Variants in GGPS1 observed in about 807,000 individuals in gnomAD.
GGPS1 encodes geranylgeranyl pyrophosphate synthase.
In GGPS1, 15 loss-of-function variants were observed where a neutral mutation model predicts 28.1. That is an observed-to-expected ratio of 0.53 (90% CI 0.36 to 0.82). The LOEUF is 0.82. Ranked by LOEUF, GGPS1 falls within the 40% of genes least tolerant of loss-of-function variation. The probability of loss-of-function intolerance (pLI) is 0.01; values close to 1 mark genes in which losing one functional copy is unlikely to be tolerated. For synonymous variants in GGPS1, 138 were observed against 122.4 expected, an observed-to-expected ratio of 1.13 and a Z score of -0.84; for missense variants, 284 against 348.3, an observed-to-expected ratio of 0.82 and a Z score of 1.47.
intron 2 of GGPS1, among the ~76,000 whole-genome samples, chr1:235,340,862 CATG>C (rs1240615835): frequency 6.6e-6 from 1 of 151,674 alleles, no homozygotes; most frequent in Non-Finnish European, 1.5e-5. Flanking sequence ...TACTTCAGTG[CATG>C]ATGATCTCAT....
intron 1 of GGPS1, chr1:235,329,024 T>A (rs1675582076): frequency 6.6e-6 from 1 of 152,258 alleles, no homozygotes; most frequent in South Asian, 2.0e-4. Flanking sequence ...CTCCGGACTC[T>A]GTGCTAGCAC....
intron 2 of GGPS1, among the ~76,000 whole-genome samples, chr1:235,337,427 G>A (rs1160150245): frequency 6.6e-6 from 1 of 151,920 alleles, no homozygotes; most frequent in African/African-American, 2.4e-5. Flanking sequence ...TTTTATTCAA[G>A]TACGTTCTTG....
chr1:235,342,993 G>C lies in GGPS1; in HGVS notation c.*221G>C. 1 of 377,970 alleles carries C rather than the reference G, an allele frequency of 2.6e-6. No homozygotes were observed. Among genetic ancestry groups the C allele is most frequent in the Non-Finnish European group, 4.9e-6 (1 of 202,680 alleles). 23.4% of individuals were successfully genotyped at this position (377,970 alleles called of 1,614,324 possible). On this transcript the variant is annotated 3_prime_UTR_variant, in exon 4 of 4. Coordinates refer to ENST00000282841, the MANE Select transcript of GGPS1 (RefSeq NM_004837.4). ...AAAGCAGCCACAGTTATGTAGGTCT[G>C]ATTTGAATGTCATAATTGCAGTGAC...
Position 235,342,397 on chromosome 1 carries a change from A to G in GGPS1, c.528A>G (p.Leu176=), listed in dbSNP as rs779823837. 1.1e-5 allele frequency: 18 copies of G among 1,613,866 alleles called. No homozygotes were observed. Among genetic ancestry groups the G allele is most frequent in the South Asian group, 8.8e-5 (8 of 91,076 alleles). ...FSDYKEDLKP[L]LNTLGLFFQI... is the part of the protein sequence containing the mutation. ...ATTACAAAGAAGATTTAAAACCGCT[A>G]CTTAATACACTTGGGCTCTTTTTCC... The change falls in exon 4 of 4, where the codon CTA becomes CTG. Residue 176 remains leucine, a synonymous_variant. Coordinates refer to ENST00000282841, the MANE Select transcript of GGPS1 (RefSeq NM_004837.4).
At chr1:235,341,137 C>G (rs894274904) in intron 2 of GGPS1, among the ~76,000 whole-genome samples, 12 of 152,132 alleles carry the variant, frequency 7.9e-5, no homozygotes, top group African/African-American at 2.7e-4. Context: ...CAAGGCCAGC[C>G]TGGGCAACAT....
intron 1 of GGPS1, among the ~76,000 whole-genome samples, chr1:235,332,449 T>A (rs1675744645): frequency 6.6e-6 from 1 of 152,240 alleles, no homozygotes; most frequent in South Asian, 2.1e-4. Flanking sequence ...TACCACATTT[T>A]CTTTATTCAG....
At chr1:235,334,737 G>A (rs959939291) in intron 1 of GGPS1, among the ~76,000 whole-genome samples, 1 of 152,060 alleles carries the variant, frequency 6.6e-6, no homozygotes, top group African/African-American at 2.4e-5. Context: ...CATAGCTGTA[G>A]AATCTTGCTT....
intron 2 of GGPS1, among the ~76,000 whole-genome samples, chr1:235,339,781 A>C (rs558586779): frequency 6.6e-6 from 1 of 151,700 alleles, no homozygotes; most frequent in African/African-American, 2.4e-5. Context: ...AAAAGAAAAC[A>C]GTATTTTAGT....
rs572966375 is a variant in GGPS1 at position 235,339,171 on chromosome 1, C to T, written c.71-2537C>T. On this transcript the variant is annotated intron_variant, in intron 2 of 3. Transcript: ENST00000282841. ...AAAATTAGCTGGATTTAGTGGCGCA[C>T]GACTGTAATCCCAGCTACTCAGGAG... Among the ~76,000 whole-genome samples the T allele has an allele frequency of 4.6e-5, 7 of 151,964 alleles. No homozygotes were observed. In the South Asian group the frequency reaches 1.0e-3, roughly 23 times the overall value.
rs562440505 is a variant in GGPS1, at chr1:235,342,818, CT to C, written c.*54del. 84 of 1,356,138 alleles carry C rather than the reference CT, an allele frequency of 6.2e-5. No homozygotes were observed. The highest frequency in any genetic ancestry group is 1.9e-4 in the Middle Eastern group (1 of 5,198). 84.0% of individuals were successfully genotyped at this position (1,356,138 alleles called of 1,614,324 possible). A position where few individuals can be genotyped will look rare whatever the true frequency, so the allele number is the denominator to read the frequency against. ...GACCTCATAGCTTATTTTAGTTAAT[CT>C]TTTTTTTGTCTTTTAGCCTTACCAC... On this transcript the variant is annotated 3_prime_UTR_variant, in exon 4 of 4. Transcript: ENST00000282841.
upstream of GGPS1, chr1:235,327,992 C>G (rs951480359): frequency 2.0e-5 from 3 of 152,436 alleles, no homozygotes; most frequent in Admixed American, 6.5e-5. Context: ...GACGAAAAAT[C>G]CCCCCCGGAC....
Position 235,342,359 on chromosome 1 carries a change from C to A in GGPS1, c.490C>A (p.Gln164Lys). The change falls in exon 4 of 4, where the codon CAG (glutamine) becomes AAG (lysine). Residue 164 changes from glutamine (Q) to lysine (K), a missense_variant. Physicochemically the swap from Gln to Lys is moderately conservative, Grantham distance 53. Coordinates refer to ENST00000282841, the MANE Select transcript of GGPS1 (RefSeq NM_004837.4). ...GLFGLAVGLM[Q>K]LFSDYKEDLK... ...GTTTGGATTAGCAGTAGGTCTCATGCAGTTGTTCTCTGATTACAAAGAAGA... is the reference window on the plus strand; with the variant it reads ...GTTTGGATTAGCAGTAGGTCTCATGAAGTTGTTCTCTGATTACAAAGAAGA... 6.2e-7 allele frequency: 1 copy of A among 1,613,892 alleles called. No individual in the cohort carries two copies. Among genetic ancestry groups the A allele is most frequent in the Middle Eastern group, 1.6e-4 (1 of 6,062 alleles).
chr1:235,335,035 G>A (rs540128202), intron 1 of GGPS1, among the ~76,000 whole-genome samples: 5 of 152,174 alleles, frequency 3.3e-5, no homozygotes, highest in Admixed American at 1.3e-4. Context: ...GGCTGGTCTC[G>A]AACTCCTGGG....
Position 235,343,917 on chromosome 1 carries a change from A to G in GGPS1, c.*1145A>G, listed in dbSNP as rs1436317802. ...AAAAATGCGCTTTTCCTTCCCGCCC[A>G]CATCACCACCCCGACTTGAAGACAG... On this transcript the variant is annotated 3_prime_UTR_variant, in exon 4 of 4. Transcript: ENST00000282841. The G allele has an allele frequency of 8.4e-5, 14 of 166,918 alleles. No individual in the cohort carries two copies. Among genetic ancestry groups the G allele is most frequent in the Non-Finnish European group, 2.9e-5 (2 of 68,104 alleles). The allele number at this position is 166,918 out of a possible 1,614,324, so 10.3% of individuals were successfully genotyped here.
upstream of GGPS1, chr1:235,327,924 G>C (rs1675457189): frequency 6.6e-6 from 1 of 152,558 alleles, no homozygotes; most frequent in Admixed American, 6.5e-5. Context: ...CTCCCGCGGC[G>C]GCGACTGGTA....
chr1:235,342,911 G>T lies in GGPS1; in HGVS notation c.*139G>T. ...GAGTAGGGGTGGTGCAAGTGAATTC[G>T]TTTTCATTTAGAAGCCCCTCTGTAC... is the stretch of plus-strand genomic sequence containing the variant. On this transcript the variant is annotated 3_prime_UTR_variant, in exon 4 of 4. Transcript: ENST00000282841. 1.7e-6 allele frequency: 1 copy of T among 598,404 alleles called. No individual in the cohort carries two copies. The allele number at this position is 598,404 out of a possible 1,614,324, so 37.1% of individuals were successfully genotyped here.
At position 235,342,595 on chromosome 1, in the gene GGPS1, T is replaced by C. The variant is rs1325541181; in HGVS notation, c.726T>C (p.Asp242=). 1.2e-6 allele frequency: 2 copies of C among 1,611,052 alleles called. No individual in the cohort carries two copies. The highest frequency in any genetic ancestry group is 1.1e-5 in the South Asian group (1 of 91,004). Residue 242 remains aspartate, a synonymous_variant, in exon 4 of 4, where the codon GAT becomes GAC. Transcript: ENST00000282841. ...TGCGCCAGAGAACAGAAAACATAGA[T>C]ATAAAAAAATACTGTGTACATTATC... The part of the protein sequence containing the change: ...NILRQRTENI[D]IKKYCVHYLE...
chr1:235,341,565 C>G (rs1006380090), intron 2 of GGPS1, 143 bp from the exon 3 acceptor site: 36 of 665,732 alleles, frequency 5.4e-5, no homozygotes, highest in Non-Finnish European at 9.2e-5. Flanking sequence ...GCAAGGCAAG[C>G]TCTGCAGTAG....
At chr1:235,333,829 G>A (rs1675790520) in intron 1 of GGPS1, among the ~76,000 whole-genome samples, 1 of 152,174 alleles carries the variant, frequency 6.6e-6, no homozygotes, top group South Asian at 2.1e-4. Context: ...AGAAAAGTTG[G>A]TTAGAAGTGG....
Sources: allele counts gnomAD v4.1 joint callset (sites outside exome capture counted in the v4.1 genomes callset), GRCh38; gene constraint gnomAD v4.1.1; transcripts MANE v1.5; gene names NCBI Gene and HGNC (gene_info 2026-07-23, HGNC 2026-07-21).